Variants in ACLY observed in about 807,000 individuals in gnomAD.
ACLY encodes ATP citrate lyase, also known as ATP-citrate synthase.
A neutral mutation model predicts 133.0 loss-of-function variants in ACLY; 41 were observed. That is an observed-to-expected ratio of 0.31 (90% CI 0.24 to 0.40). ACLY has a LOEUF of 0.40. Among genes scored for constraint, ACLY ranks in the 10% least tolerant of loss-of-function variants. The probability of loss-of-function intolerance (pLI) is 1.00; values close to 1 mark genes in which losing one functional copy is unlikely to be tolerated. For synonymous variants in ACLY, 495 were observed against 549.3 expected (o/e 0.90, Z 1.38); for missense variants, 1,046 against 1,453.8 (o/e 0.72, Z 4.56).
At chr17:41,876,279 G>C (rs1380906122) in intron 22 of ACLY, among the ~76,000 whole-genome samples, 1 of 150,560 alleles carries the variant, frequency 6.6e-6, no homozygotes, top group Non-Finnish European at 1.5e-5. Context: ...CGCCCCGTCC[G>C]GGAGGGAGGT....
At chr17:41,872,472 C>T (rs1412648685) in intron 23 of ACLY, among the ~76,000 whole-genome samples, 3 of 152,120 alleles carry the variant, frequency 2.0e-5, no homozygotes, top group African/African-American at 7.2e-5. Context: ...ACTACAGGTA[C>T]GCACCACCAC....
intron 3 of ACLY, among the ~76,000 whole-genome samples, chr17:41,911,302 G>A (rs1238208701): frequency 6.6e-6 from 1 of 152,180 alleles, no homozygotes; most frequent in Non-Finnish European, 1.5e-5. Context: ...ATGAGCACCA[G>A]GCCCTTCAGA....
At chr17:41,915,062 T>A (rs1294155027) in intron 1 of ACLY, among the ~76,000 whole-genome samples, 1 of 151,900 alleles carries the variant, frequency 6.6e-6, no homozygotes, top group African/African-American at 2.4e-5. Context: ...TACACCTAGG[T>A]CCCCAGAAAA....
chr17:41,927,095 C>T lies in ACLY; in HGVS notation c.-28+3263G>A, dbSNP rs112787716. Among the ~76,000 whole-genome samples the T allele has an allele frequency of 1.9e-4, 29 of 151,460 alleles. 1 individual carries two copies. Among genetic ancestry groups the T allele is most frequent in the African/African-American group, 6.3e-4 (26 of 41,264 alleles). On this transcript the variant is annotated intron_variant, in intron 1 of 3. Coordinates refer to the ACLY transcript ENST00000592970. ...GTTGGTCAGGCTGGTCTTGAACTCC[C>T]GAACTCAGGTGATCCACCCACCTCA...
intron 14 of ACLY, among the ~76,000 whole-genome samples, chr17:41,894,566 A>C (rs1555630020): frequency 6.6e-6 from 1 of 151,682 alleles, no homozygotes; most frequent in Non-Finnish European, 1.5e-5. Flanking sequence ...AAAAAAAAAA[A>C]CAACAAAGAA....
chr17:41,874,177 T>C (rs953423851), intron 22 of ACLY, among the ~76,000 whole-genome samples: 2 of 152,228 alleles, frequency 1.3e-5, no homozygotes, highest in Admixed American at 6.5e-5. Context: ...GGAGGACCCA[T>C]GACACCACTT....
rs918735198 is a variant in ACLY, at chr17:41,908,066, C to T, written c.617-494G>A. The stretch of plus-strand genomic sequence containing the variant: ...TCCCAATCAGCAGGATTCGTTTATA[C>T]CACCTCACTGGACACCCATCTTCCT... On this transcript the variant is annotated intron_variant, in intron 6 of 28. Coordinates refer to ENST00000352035, the MANE Select transcript of ACLY (RefSeq NM_001096.3). Among the ~76,000 whole-genome samples, 7 of 152,256 alleles carry T rather than the reference C, an allele frequency of 4.6e-5. No individual in the cohort carries two copies. The South Asian group carries it at 6.2e-4, about 14-fold the overall frequency.
intron 28 of ACLY, 111 bp from the exon 29 acceptor site, chr17:41,868,015 G>A (rs2048506123): frequency 1.4e-6 from 1 of 704,312 alleles, no homozygotes; most frequent in African/African-American, 1.8e-5. Flanking sequence ...ACACAAAGCA[G>A]TGGGAAGTTT....
intron 11 of ACLY, among the ~76,000 whole-genome samples, chr17:41,900,069 C>CAAA (rs60296550): frequency 0.081 from 3,772 of 46,518 alleles, 1,082 homozygotes; most frequent in Middle Eastern, 0.21. Context: ...ACCCTGTCTC[C>CAAA]AAAAAAAAAA....
intron 7 of ACLY, 78 bp downstream of exon 7, chr17:41,907,364 G>A: frequency 1.2e-5 from 17 of 1,414,336 alleles, no homozygotes; most frequent in Non-Finnish European, 1.7e-5. Context: ...ATGAAGGGGG[G>A]CCAAATGCAC....
At chr17:41,876,218 C>T (rs2144227338) in intron 22 of ACLY, among the ~76,000 whole-genome samples, 1 of 152,010 alleles carries the variant, frequency 6.6e-6, no homozygotes, top group Non-Finnish European at 1.5e-5. Flanking sequence ...CTTCGCCCGG[C>T]AGCCACCCCG....
intron 14 of ACLY, among the ~76,000 whole-genome samples, chr17:41,895,200 G>C (rs1451610193): frequency 1.3e-5 from 2 of 152,220 alleles, no homozygotes; most frequent in Admixed American, 1.3e-4. Flanking sequence ...GCTCAACTGT[G>C]AAAGTGAGGA....
chr17:41,892,928 C>G, intron 15 of ACLY, 105 bp downstream of exon 15: 1 of 1,434,328 alleles, frequency 7.0e-7, no homozygotes, highest in Non-Finnish European at 9.4e-7. Context: ...GTTCTCCCAC[C>G]TCGACCTCCC....
At chr17:41,897,687 A>C (rs2144336948) in intron 13 of ACLY, 62 bp downstream of exon 13, 6 of 1,468,750 alleles carry the variant, frequency 4.1e-6, no homozygotes, top group South Asian at 3.7e-5. Context: ...GAAAGGGGAG[A>C]GAGATACAGA....
At chr17:41,912,607 T>A (rs1030661687) in intron 2 of ACLY, 65 bp from the exon 3 acceptor site, 1 of 1,596,346 alleles carries the variant, frequency 6.3e-7, no homozygotes, top group Admixed American at 1.7e-5. Flanking sequence ...ATTTTGGGGA[T>A]CCAAATAGAG....
At chr17:41,909,360 GC>G (rs782808373) in intron 5 of ACLY, 149 bp downstream of exon 5, 48 of 845,550 alleles carry the variant, frequency 5.7e-5, no homozygotes, top group South Asian at 5.3e-4. Context: ...GCCAGTCCCC[GC>G]CCTGCACCCA....
chr17:41,893,846 T>C (rs2049284426), intron 14 of ACLY, among the ~76,000 whole-genome samples: 1 of 152,184 alleles, frequency 6.6e-6, no homozygotes, highest in African/African-American at 2.4e-5. Context: ...TTTCCTGTCC[T>C]TCTCCCTTCT....
chr17:41,910,427 TCACA>T, intron 3 of ACLY, 143 bp from the exon 4 acceptor site: 1 of 683,058 alleles, frequency 1.5e-6, no homozygotes, highest in South Asian at 1.8e-5. Context: ...AAAAATGGGG[TCACA>T]GATCCCTAAG....
chr17:41,907,494 T>C lies in ACLY; in HGVS notation c.695A>G (p.Lys232Arg), dbSNP rs782669328. 8.1e-6 allele frequency: 13 copies of C among 1,612,926 alleles called. No individual in the cohort carries two copies. Among genetic ancestry groups the C allele is most frequent in the Middle Eastern group, 3.3e-4 (2 of 6,074 alleles). The change falls in exon 7 of 29, where the codon AAG becomes AGG. Residue 232 changes from lysine (K) to arginine (R), a missense_variant. This residue lies in a region of ACLY where 575 missense variants were observed against 804.2 expected (regional missense o/e 0.71). Transcript: ENST00000352035. ...DATADYICKV[K>R]WGDIEFPPPF... is the part of the protein sequence containing the mutation. ...GGGAGGGAACTCGATGTCACCCCAC[T>C]TCACTTTGCAGATGTAGTCGGCAGT...
Sources: allele counts gnomAD v4.1 joint callset (sites outside exome capture counted in the v4.1 genomes callset), GRCh38; gene constraint gnomAD v4.1.1; regional missense constraint gnomAD v4.1.1; transcripts MANE v1.5; gene names NCBI Gene and HGNC (gene_info 2026-07-23, HGNC 2026-07-21).